Variants in MED13L observed in about 807,000 individuals in gnomAD.
MED13L encodes mediator complex subunit 13L, also known as mediator of RNA polymerase II transcription subunit 13-like.
A neutral mutation model predicts 220.9 loss-of-function variants in MED13L; 7 were observed. The observed-to-expected ratio is 0.03, with a 90% CI of 0.02 to 0.06. The LOEUF is 0.06. Among genes scored for constraint, MED13L ranks in the 10% least tolerant of loss-of-function variants. The probability of loss-of-function intolerance (pLI) is 1.00; values close to 1 mark genes in which losing one functional copy is unlikely to be tolerated. For synonymous variants in MED13L, 1,011 were observed against 1,015.2 expected, an observed-to-expected ratio of 1.00 and a Z score of 0.08; for missense variants, 1,965 against 2,760.5, an observed-to-expected ratio of 0.71 and a Z score of 6.46.
rs58162276 is a variant in MED13L, at chr12:116,271,040, CAAAAAAAA to C, written c.72+6012_72+6019del. Among the ~76,000 whole-genome samples, 24 of 30,094 alleles carry C rather than the reference CAAAAAAAA, an allele frequency of 8.0e-4. No individual in the cohort carries two copies. In the East Asian group the frequency reaches 0.011, roughly 13 times the overall value. The allele number at this position is 30,094 out of a possible 152,430, so 19.7% of individuals were successfully genotyped here. ...CTGGTGACAGAGCGAGACTCCGTCTCAAAAAAAAAAAAAAAAAAAAAAAAAAAGAAAGA... is the reference window on the plus strand; with the variant it reads ...CTGGTGACAGAGCGAGACTCCGTCTCAAAAAAAAAAAAAAAAAAAGAAAGA... On this transcript the variant is annotated intron_variant, in intron 1 of 30. Coordinates refer to ENST00000281928, the MANE Select transcript of MED13L (RefSeq NM_015335.5).
At chr12:116,081,084 T>C (rs577107968) in intron 4 of MED13L, among the ~76,000 whole-genome samples, 2 of 152,342 alleles carry the variant, frequency 1.3e-5, no homozygotes, top group East Asian at 3.9e-4. Flanking sequence ...TTGTGGATAG[T>C]AGAAACAGTT....
At chr12:116,114,726 A>T (rs1874372746) in intron 2 of MED13L, among the ~76,000 whole-genome samples, 1 of 152,192 alleles carries the variant, frequency 6.6e-6, no homozygotes, top group Non-Finnish European at 1.5e-5. Context: ...TAACAGAAAA[A>T]ATCTACTAGA....
intron 3 of MED13L, among the ~76,000 whole-genome samples, chr12:116,098,163 T>C (rs919101915): frequency 6.6e-6 from 1 of 151,988 alleles, no homozygotes; most frequent in Non-Finnish European, 1.5e-5. Flanking sequence ...GGAGAATCAC[T>C]TGAACCCGGG....
At chr12:115,990,861 A>G (rs1878010536) in intron 17 of MED13L, among the ~76,000 whole-genome samples, 159 bp downstream of exon 17, 1 of 152,214 alleles carries the variant, frequency 6.6e-6, no homozygotes, top group South Asian at 2.1e-4. Context: ...CCAGTCCATA[A>G]GTTTAGGATA....
At chr12:116,050,567 CT>C (rs960612211) in intron 4 of MED13L, among the ~76,000 whole-genome samples, 16 of 151,486 alleles carry the variant, frequency 1.1e-4, no homozygotes, top group East Asian at 1.9e-4. Context: ...GATGGTAATT[CT>C]TTTTTTTTAA....
At position 115,960,232 on chromosome 12, in the gene MED13L, T is replaced by C. The variant is rs544988852; in HGVS notation, c.*1034A>G. On this transcript the variant is annotated 3_prime_UTR_variant, in exon 31 of 31. Coordinates refer to ENST00000281928, the MANE Select transcript of MED13L (RefSeq NM_015335.5). ...TTTCATGAGCAAACACTTTCAATTG[T>C]TGTATGTACATAAGTCCCTTTTGAT... 2.6e-5 allele frequency: 4 copies of C among 152,776 alleles called. No homozygotes were observed. The highest frequency in any genetic ancestry group is 4.1e-4 in the South Asian group (2 of 4,830). 9.5% of individuals were successfully genotyped at this position (152,776 alleles called of 1,614,324 possible).
Position 115,961,281 on chromosome 12 carries a change from G to A in MED13L, c.6618C>T (p.Ile2206=). The A allele has an allele frequency of 6.2e-7, 1 of 1,614,214 alleles. No homozygotes were observed. Among genetic ancestry groups the A allele is most frequent in the Non-Finnish European group, 8.5e-7 (1 of 1,180,034 alleles). Residue 2206 remains isoleucine (I), a synonymous_variant, in exon 31 of 31, where the codon ATC becomes ATT. Coordinates refer to ENST00000281928, the MANE Select transcript of MED13L (RefSeq NM_015335.5). ...GCTTTTCCAATTAAAGTATATTCAT[G>A]ATGGCATTGTACAACTGAGTGAGCA... The part of the protein sequence containing the change: ...FVVLTQLYNA[I]MNIL
At chr12:116,156,294 A>G (rs979025535) in intron 2 of MED13L, among the ~76,000 whole-genome samples, 2 of 151,958 alleles carry the variant, frequency 1.3e-5, no homozygotes, top group Admixed American at 1.3e-4. Flanking sequence ...TATATTATAC[A>G]TAAGATATGA....
chr12:116,035,806 G>T (rs889051332), intron 4 of MED13L, among the ~76,000 whole-genome samples: 1 of 151,900 alleles, frequency 6.6e-6, no homozygotes, highest in Non-Finnish European at 1.5e-5. Context: ...GCCCAGGATC[G>T]TCTCGAAGGA....
chr12:116,003,176 T>TATGCCTATTGGTAG, intron 13 of MED13L, 74 bp from the exon 14 acceptor site: 1 of 1,313,948 alleles, frequency 7.6e-7, no homozygotes, highest in Non-Finnish European at 1.1e-6. Flanking sequence ...TTTCCTAATG[T>TATGCCTATTGGTAG]ATGCCTATTG....
intron 1 of MED13L, among the ~76,000 whole-genome samples, chr12:116,264,341 A>T (rs560513398): frequency 2.0e-5 from 3 of 152,322 alleles, no homozygotes; most frequent in African/African-American, 7.2e-5. Context: ...CTCAGTTCTG[A>T]TATGTCTAGT....
intron 2 of MED13L, among the ~76,000 whole-genome samples, chr12:116,179,242 AT>A (rs1208700365): frequency 6.7e-6 from 1 of 148,640 alleles, no homozygotes; most frequent in Non-Finnish European, 1.5e-5. Context: ...TGTGTACACA[AT>A]TTTTTTAAAG....
At chr12:116,205,827 C>T (rs760919734) in intron 2 of MED13L, among the ~76,000 whole-genome samples, 54 of 152,048 alleles carry the variant, frequency 3.6e-4, no homozygotes, top group Middle Eastern at 3.4e-3. Flanking sequence ...AAAGCCGCCT[C>T]ACCACTGCGA....
At position 116,008,955 on chromosome 12, in the gene MED13L, T is replaced by A; in HGVS notation, c.1458A>T (p.Pro486=). The A allele has an allele frequency of 6.2e-7, 1 of 1,614,068 alleles. No homozygotes were observed. Among genetic ancestry groups the A allele is most frequent in the Non-Finnish European group, 8.5e-7 (1 of 1,179,988 alleles). The stretch of plus-strand genomic sequence containing the variant: ...CGGCCACAGAGGGCCTATGGTGAAA[T>A]GGTATTAAGGGTCTCTTTTGCAGCT... ...GDKLQKRPLI[P]FHHRPSVAEE... The change falls in exon 10 of 31, where the codon CCA becomes CCT. Residue 486 remains proline (P), a synonymous_variant. Transcript: ENST00000281928.
chr12:115,986,587 G>C, intron 18 of MED13L, 98 bp from the exon 19 acceptor site: 1 of 1,087,902 alleles, frequency 9.2e-7, no homozygotes, highest in Non-Finnish European at 1.4e-6. Context: ...TCTGGCATCT[G>C]AAATGTCACT....
chr12:116,031,767 G>GAAAAGAAAAGAAAAGAAAAGAAAA (rs1566020980), intron 4 of MED13L, among the ~76,000 whole-genome samples: 1 of 129,226 alleles, frequency 7.7e-6, no homozygotes, highest in Non-Finnish European at 1.7e-5. Flanking sequence ...AAAGAAGGAA[G>GAAAAGAAAAGAAAAGAAAAGAAAA]GAAGGAAGGA....
chr12:116,044,253 G>A (rs1202842139), intron 4 of MED13L, among the ~76,000 whole-genome samples: 3 of 149,502 alleles, frequency 2.0e-5, no homozygotes, highest in Non-Finnish European at 4.5e-5. Flanking sequence ...TGTTCCATAA[G>A]TAAGTGTTTT....
intron 2 of MED13L, among the ~76,000 whole-genome samples, chr12:116,192,987 G>T (rs1015506217): frequency 6.6e-6 from 1 of 152,114 alleles, no homozygotes; most frequent in African/African-American, 2.4e-5. Flanking sequence ...AAAAACTTAC[G>T]CATGGTGGCA....
chr12:116,241,606 T>C (rs1397339416), intron 1 of MED13L, among the ~76,000 whole-genome samples: 2 of 152,192 alleles, frequency 1.3e-5, no homozygotes, highest in Admixed American at 1.3e-4. Context: ...AGTACATCTA[T>C]GCTCTCAGTG....
Sources: gnomAD v4.1 joint callset for allele counts (sites outside exome capture counted in the v4.1 genomes callset) on GRCh38, gnomAD v4.1.1 for gene constraint, MANE v1.5 for transcripts, NCBI Gene and HGNC (gene_info 2026-07-23, HGNC 2026-07-21) for gene names.